SPACA3: variants seen among roughly 807,000 people sequenced by gnomAD.
SPACA3 encodes sperm acrosome membrane-associated protein 3.
Under a neutral mutation model 24.5 loss-of-function variants are expected in SPACA3, and 21 were observed. The observed-to-expected ratio is 0.86, with a 90% CI of 0.61 to 1.24. The LOEUF (loss-of-function observed/expected upper bound fraction) is 1.24, where lower values mean the gene tolerates loss of function less well. Among genes scored for constraint, SPACA3 ranks in the 50% most tolerant of loss-of-function variants. The pLI is 0.00. For synonymous variants in SPACA3, 115 were observed against 106.9 expected (o/e 1.08, Z -0.47); for missense variants, 278 against 275.5 (o/e 1.01, Z -0.06).
intron 2 of SPACA3, among the ~76,000 whole-genome samples, chr17:32,996,533 A>G (rs1445752819): frequency 6.6e-6 from 1 of 152,112 alleles, no homozygotes; most frequent in African/African-American, 2.4e-5. Context: ...GATTCATTCA[A>G]CAAATTTATT....
chr17:32,994,988 G>A (rs2091712820), intron 1 of SPACA3, among the ~76,000 whole-genome samples: 1 of 152,218 alleles, frequency 6.6e-6, no homozygotes. Context: ...CTATAGGGGA[G>A]CAGTGTTCTG....
intron 1 of SPACA3, chr17:32,992,839 G>A (rs1313191666): frequency 2.1e-6 from 1 of 468,208 alleles, no homozygotes; most frequent in Non-Finnish European, 4.4e-6. Flanking sequence ...GAAGGGTCGT[G>A]AAGGGCCGTG....
intron 2 of SPACA3, among the ~76,000 whole-genome samples, chr17:32,996,310 G>A (rs12943873): frequency 0.1 from 15,761 of 152,040 alleles, 2,145 homozygotes; most frequent in African/African-American, 0.31. Flanking sequence ...CCAATATGGC[G>A]AAACCCCGTC....
intron 1 of SPACA3, among the ~76,000 whole-genome samples, chr17:32,994,399 G>A (rs955767087): frequency 6.6e-6 from 1 of 152,182 alleles, no homozygotes; most frequent in Non-Finnish European, 1.5e-5. Context: ...GGAGCAGAGG[G>A]GGGCTTCCAA....
chr17:32,993,680 G>A (rs1173472625), intron 1 of SPACA3, among the ~76,000 whole-genome samples: 1 of 121,934 alleles, frequency 8.2e-6, no homozygotes, highest in Non-Finnish European at 2.0e-5. Context: ...AAACAAGCGG[G>A]AGGGAGAAAG....
intron 2 of SPACA3, among the ~76,000 whole-genome samples, chr17:32,996,488 C>CAA (rs71144856): frequency 0.038 from 3,949 of 103,476 alleles, 229 homozygotes; most frequent in African/African-American, 0.13. Context: ...GACTCCGTCT[C>CAA]AAAAAAAAAA....
chr17:32,995,436 C>A lies in SPACA3; in HGVS notation c.62C>A (p.Pro21His). ...IRVHSSPVSS[P>H]SVSGPRRLVS... ...GTGCACTCAAGCCCTGTTTCTTCTC[C>A]TTCTGTGAGTGGACCACGGAGGCTG... The change falls in exon 2 of 5, where the codon CCT becomes CAT. Residue 21 changes from proline (P) to histidine (H), a missense_variant. Transcript: ENST00000269053. The A allele has an allele frequency of 2.5e-6, 4 of 1,609,178 alleles. No individual in the cohort carries two copies. The highest frequency in any genetic ancestry group is 3.4e-6 in the Non-Finnish European group (4 of 1,177,006).
chr17:32,996,836 T>C lies in SPACA3; in HGVS notation c.344-7T>C, dbSNP rs2091725320. 6.4e-7 allele frequency: 1 copy of C among 1,566,780 alleles called. No homozygotes were observed. The highest frequency in any genetic ancestry group is 1.2e-5 in the South Asian group (1 of 82,272). Reference sequence around the variant, plus strand: ...TGACCCCCAGGCCTATGCTCTGCCCTATGCAGGGGTCTGCCTTGCTTATTT... The same window carrying C: ...TGACCCCCAGGCCTATGCTCTGCCCCATGCAGGGGTCTGCCTTGCTTATTT... On this transcript the variant is annotated splice_polypyrimidine_tract_variant and splice_region_variant and intron_variant, in intron 2 of 4. Coordinates refer to ENST00000269053, the MANE Select transcript of SPACA3 (RefSeq NM_173847.5).
In SPACA3 at chr17:32,995,716, C is replaced by T. The variant is rs1473526174; in HGVS notation, c.342C>T (p.Asp114=). 2.5e-6 allele frequency: 4 copies of T among 1,610,342 alleles called. No homozygotes were observed. In the African/African-American group the frequency reaches 5.3e-5, roughly 22 times the overall value. Residue 114 remains aspartate (D), a splice_region_variant and synonymous_variant, in exon 2 of 5, where the codon GAC becomes GAT. Coordinates refer to ENST00000269053, the MANE Select transcript of SPACA3 (RefSeq NM_173847.5). The part of the protein sequence containing the change: ...LDGYRGYSLA[D]WVCLAYFTSG... ...GATACCGGGGATACAGCCTGGCTGA[C>T]TGTGAGAACCCCTCTCCCTGGCGGG...
intron 1 of SPACA3, among the ~76,000 whole-genome samples, chr17:32,994,766 C>T (rs1431518273): frequency 6.6e-6 from 1 of 152,096 alleles, no homozygotes; most frequent in Non-Finnish European, 1.5e-5. Flanking sequence ...GCTGTGACAC[C>T]CAGGTGCTAA....
chr17:32,993,211 CA>C (rs2091701592), intron 1 of SPACA3, among the ~76,000 whole-genome samples: 1 of 152,174 alleles, frequency 6.6e-6, no homozygotes, highest in Non-Finnish European at 1.5e-5. Context: ...TTGATGGAAA[CA>C]GTGGTTCTGT....
At chr17:32,996,820 G>A (rs748642627) in intron 2 of SPACA3, 23 bp from the exon 3 acceptor site, 1 of 1,511,244 alleles carries the variant, frequency 6.6e-7, no homozygotes, top group South Asian at 1.4e-5. Context: ...CTGACCCCCA[G>A]GCCTATGCTC....
chr17:32,994,902 T>G (rs1015183587), intron 1 of SPACA3, among the ~76,000 whole-genome samples: 4 of 151,908 alleles, frequency 2.6e-5, no homozygotes, highest in Non-Finnish European at 4.4e-5. Context: ...TTAGAAGTGG[T>G]GGTGGGGGTG....
intron 1 of SPACA3, chr17:32,992,749 C>T: frequency 2.5e-6 from 1 of 393,698 alleles, no homozygotes; most frequent in Non-Finnish European, 5.0e-6. Flanking sequence ...TTCTAGAAAG[C>T]AAGGTCATTG....
At chr17:32,992,922 T>G in intron 1 of SPACA3, 1 of 470,994 alleles carries the variant, frequency 2.1e-6, no homozygotes, top group Non-Finnish European at 4.4e-6. Context: ...TTTAACAAAT[T>G]TGTTCTGATG....
At chr17:32,997,141 GGA>G in intron 3 of SPACA3, 140 bp downstream of exon 3, 1 of 1,013,934 alleles carries the variant, frequency 9.9e-7, no homozygotes, top group East Asian at 2.7e-5. Context: ...GAGGGAGATG[GGA>G]CAAGGGATGA....
Position 32,997,872 on chromosome 17 carries a change from C to T in SPACA3, c.*94C>T, listed in dbSNP as rs542146009. On this transcript the variant is annotated 3_prime_UTR_variant, in exon 5 of 5. Coordinates refer to ENST00000269053, the MANE Select transcript of SPACA3 (RefSeq NM_173847.5). Reference sequence around the variant, plus strand: ...AGCCAGCGAATAAAGGATGGTTGAACGTGAATATGGCTCTCAGCTCTCAGT... The same window carrying T: ...AGCCAGCGAATAAAGGATGGTTGAATGTGAATATGGCTCTCAGCTCTCAGT... The T allele has an allele frequency of 1.5e-5, 19 of 1,303,856 alleles. No individual in the cohort carries two copies. The highest frequency in any genetic ancestry group is 5.8e-5 in the African/African-American group (4 of 68,648). The allele number at this position is 1,303,856 out of a possible 1,614,324, so 80.8% of individuals were successfully genotyped here. A position where few individuals can be genotyped will look rare whatever the true frequency, so the allele number is the denominator to read the frequency against.
chr17:32,992,759 G>A (rs1010701243), intron 1 of SPACA3: 1 of 401,888 alleles, frequency 2.5e-6, no homozygotes, highest in African/African-American at 2.1e-5. Context: ...CAAGGTCATT[G>A]TGAGAGAACA....
chr17:32,997,835 C>A lies in SPACA3; in HGVS notation c.*57C>A. The A allele has an allele frequency of 1.3e-6, 2 of 1,567,284 alleles. No individual in the cohort carries two copies. Among genetic ancestry groups the A allele is most frequent in the African/African-American group, 1.4e-5 (1 of 74,034 alleles). On this transcript the variant is annotated 3_prime_UTR_variant, in exon 5 of 5. Coordinates refer to ENST00000269053, the MANE Select transcript of SPACA3 (RefSeq NM_173847.5). ...AATGTGGTTTGGTTCCTGACCTAGG[C>A]TTGGGAAGACAAGCCAGCGAATAAA...
Sources: allele counts gnomAD v4.1 joint callset (sites outside exome capture counted in the v4.1 genomes callset), GRCh38; gene constraint gnomAD v4.1.1; transcripts MANE v1.5; gene names NCBI Gene and HGNC (gene_info 2026-07-23, HGNC 2026-07-21).